Variants in XKR4 observed in about 807,000 individuals in gnomAD.
The protein encoded by XKR4 is XK-related protein 4.
Under a neutral mutation model 53.9 loss-of-function variants are expected in XKR4, and 12 were observed. The ratio of observed to expected loss-of-function variants is 0.22; its 90% confidence interval spans 0.14 to 0.36. The LOEUF (loss-of-function observed/expected upper bound fraction) is 0.36, where lower values mean the gene tolerates loss of function less well. XKR4 is among the 10% of genes least tolerant of loss of function. The pLI is 1.00. For synonymous variants in XKR4, 354 were observed against 362.4 expected (o/e 0.98, Z 0.26); for missense variants, 799 against 859.5 (o/e 0.93, Z 0.88).
rs370542053 is a variant in XKR4 at position 55,474,361 on chromosome 8, G to T, written c.1007-48920G>T. Among the ~76,000 whole-genome samples, 91 of 152,226 alleles carry T rather than the reference G, an allele frequency of 6.0e-4. 3 individuals are homozygous for T. In the South Asian group the frequency reaches 0.017, roughly 29 times the overall value. ...GCACCAATTAGCACATATTCCTGGAGTATGCTCTCTCTATAGAGAGTTAAA... is the reference window on the plus strand; with the variant it reads ...GCACCAATTAGCACATATTCCTGGATTATGCTCTCTCTATAGAGAGTTAAA... On this transcript the variant is annotated intron_variant, in intron 2 of 2. Coordinates refer to ENST00000327381, the MANE Select transcript of XKR4 (RefSeq NM_052898.2).
At chr8:55,306,918 C>A (rs1307078652) in intron 1 of XKR4, among the ~76,000 whole-genome samples, 2 of 146,102 alleles carry the variant, frequency 1.4e-5, no homozygotes, top group African/African-American at 5.2e-5. Flanking sequence ...GGTGTGAGAG[C>A]AATTGGACAT....
chr8:55,345,314 A>G (rs934634107), intron 1 of XKR4, among the ~76,000 whole-genome samples: 2 of 152,100 alleles, frequency 1.3e-5, no homozygotes, highest in Non-Finnish European at 2.9e-5. Flanking sequence ...AAAAAAAAGA[A>G]TAAAAGAATA....
Position 55,102,322 on chromosome 8 carries a change from G to GGGCGGCGGGC in XKR4, c.-158_-149dup, listed in dbSNP as rs1301246302. On this transcript the variant is annotated 5_prime_UTR_variant, in exon 1 of 3. Coordinates refer to ENST00000327381, the MANE Select transcript of XKR4 (RefSeq NM_052898.2). This position sits in a 1 kb window ranked among gnomAD's most constrained non-coding sequence, Gnocchi z 5.1. Reference sequence around the variant, plus strand: ...AGCCCGGCCCAGCGCCCAGCCCGGCGGGCGGCGGGCGGCGGCGGACGGCAG... The same window carrying GGGCGGCGGGC: ...AGCCCGGCCCAGCGCCCAGCCCGGCGGGCGGCGGGCGGCGGCGGGCGGCGGCGGACGGCAG... The GGGCGGCGGGC allele has an allele frequency of 1.0e-6, 1 of 953,334 alleles. No individual in the cohort carries two copies. The highest frequency in any genetic ancestry group is 5.9e-5 in the Admixed American group (1 of 16,834). 59.1% of individuals were successfully genotyped at this position (953,334 alleles called of 1,614,324 possible).
At chr8:55,210,258 A>G (rs1563483877) in intron 1 of XKR4, among the ~76,000 whole-genome samples, 6 of 151,702 alleles carry the variant, frequency 4.0e-5, no homozygotes. Flanking sequence ...CTAATTTTGT[A>G]TTTTTAGTAG....
At chr8:55,178,998 A>C (rs1817273220) in intron 1 of XKR4, among the ~76,000 whole-genome samples, 1 of 152,172 alleles carries the variant, frequency 6.6e-6, no homozygotes, top group African/African-American at 2.4e-5. Flanking sequence ...GGACTAGGGA[A>C]ATATGAATGA....
At chr8:55,177,330 C>A (rs566680937) in intron 1 of XKR4, among the ~76,000 whole-genome samples, 4 of 152,204 alleles carry the variant, frequency 2.6e-5, no homozygotes, top group African/African-American at 7.2e-5. Flanking sequence ...AGCCACCATG[C>A]CTGACCACTT....
intron 1 of XKR4, among the ~76,000 whole-genome samples, chr8:55,234,523 A>G (rs1190797303): frequency 6.6e-6 from 1 of 152,182 alleles, no homozygotes; most frequent in Non-Finnish European, 1.5e-5. Context: ...AATGTCTCAT[A>G]CTGAAATCAC....
At chr8:55,424,429 A>G (rs1804981995) in intron 2 of XKR4, among the ~76,000 whole-genome samples, 1 of 152,228 alleles carries the variant, frequency 6.6e-6, no homozygotes, top group Non-Finnish European at 1.5e-5. Flanking sequence ...TGGTACTATC[A>G]TTATGCACAT....
intron 2 of XKR4, among the ~76,000 whole-genome samples, chr8:55,496,750 G>C (rs913442692): frequency 6.6e-6 from 1 of 152,058 alleles, no homozygotes; most frequent in Admixed American, 6.6e-5. Context: ...ACAAAACACT[G>C]CATATCTAAT....
intron 1 of XKR4, among the ~76,000 whole-genome samples, chr8:55,249,481 T>A (rs922962892): frequency 6.6e-6 from 1 of 152,320 alleles, no homozygotes; most frequent in African/African-American, 2.4e-5. Context: ...GTCCACCCAA[T>A]GGGTTGACTC....
At chr8:55,193,082 G>A (rs1260466264) in intron 1 of XKR4, among the ~76,000 whole-genome samples, 2 of 152,146 alleles carry the variant, frequency 1.3e-5, no homozygotes, top group South Asian at 2.1e-4. Flanking sequence ...TATCACAGGA[G>A]ACCTTAGGTC....
At chr8:55,302,359 C>T (rs1483857571) in intron 1 of XKR4, among the ~76,000 whole-genome samples, 6 of 150,988 alleles carry the variant, frequency 4.0e-5, no homozygotes, top group African/African-American at 1.4e-4. Flanking sequence ...ATCTATATCT[C>T]TGTTTTGGTA....
chr8:55,427,055 T>C (rs979091425), intron 2 of XKR4, among the ~76,000 whole-genome samples: 2 of 152,218 alleles, frequency 1.3e-5, no homozygotes, highest in Admixed American at 6.5e-5. Context: ...TAAAATATGG[T>C]AATTGCTAGT....
intron 2 of XKR4, among the ~76,000 whole-genome samples, chr8:55,501,411 G>A (rs138944062): frequency 1.4e-3 from 218 of 152,108 alleles, no homozygotes; most frequent in African/African-American, 4.7e-3. Context: ...GAAATGTTTC[G>A]TCTTCCCAAA....
intron 1 of XKR4, among the ~76,000 whole-genome samples, chr8:55,243,113 T>C (rs902779780): frequency 1.3e-5 from 2 of 152,198 alleles, no homozygotes; most frequent in Non-Finnish European, 2.9e-5. Context: ...CCCCTGCACA[T>C]GCACAGCCTC....
intron 1 of XKR4, among the ~76,000 whole-genome samples, chr8:55,181,619 G>A (rs1817312096): frequency 6.6e-6 from 1 of 152,130 alleles, no homozygotes; most frequent in African/African-American, 2.4e-5. Flanking sequence ...TGAAGGTTGA[G>A]GCAGTAATCC....
chr8:55,453,285 G>A (rs1380948098), intron 2 of XKR4: 11 of 487,002 alleles, frequency 2.3e-5, no homozygotes, highest in South Asian at 7.6e-5. Flanking sequence ...GTGCAGTCCT[G>A]CAGGCAGCAG....
intron 1 of XKR4, among the ~76,000 whole-genome samples, chr8:55,305,785 T>A (rs1819288054): frequency 2.0e-5 from 3 of 152,096 alleles, no homozygotes; most frequent in African/African-American, 7.2e-5. Flanking sequence ...GCCCTTCCAA[T>A]CACTGAAGGA....
At chr8:55,492,265 T>A (rs1353120305) in intron 2 of XKR4, among the ~76,000 whole-genome samples, 1 of 152,242 alleles carries the variant, frequency 6.6e-6, no homozygotes, top group Admixed American at 6.5e-5. Context: ...CAGAACCGGA[T>A]AATTTGTCCA....
Sources: gnomAD v4.1 joint callset for allele counts (sites outside exome capture counted in the v4.1 genomes callset) on GRCh38, gnomAD v4.1.1 for gene constraint, Gnocchi (gnomAD v3.1) non-coding constraint, MANE v1.5 for transcripts, NCBI Gene and HGNC (gene_info 2026-07-23, HGNC 2026-07-21) for gene names.